The following RNF213 variants were observed in gnomAD, a reference collection of about 807,000 sequenced individuals.
RNF213 encodes E3 ubiquitin-protein ligase RNF213.
In RNF213, 341 loss-of-function variants were observed where a neutral mutation model predicts 514.4. The observed-to-expected ratio is 0.66, with a 90% CI of 0.61 to 0.73. The LOEUF (loss-of-function observed/expected upper bound fraction) is 0.73, where lower values mean the gene tolerates loss of function less well. RNF213 is among the 30% of genes least tolerant of loss of function. RNF213 has a pLI of 0.00. For missense variants in RNF213, 5,767 were observed against 6,615.6 expected (o/e 0.87, Z 4.45); for synonymous variants, 2,655 against 2,658.2 (o/e 1.00, Z 0.04).
intron 3 of RNF213, among the ~76,000 whole-genome samples, chr17:80,282,761 A>G (rs922094202): frequency 5.3e-5 from 8 of 151,696 alleles, no homozygotes; most frequent in South Asian, 2.1e-4. Flanking sequence ...CAGTGGTGCA[A>G]TCTTGGCTCA....
At chr17:80,278,516 A>G (rs1249790374) in intron 3 of RNF213, among the ~76,000 whole-genome samples, 2 of 152,204 alleles carry the variant, frequency 1.3e-5, no homozygotes, top group Non-Finnish European at 2.9e-5. Flanking sequence ...TGGTGTGGGC[A>G]GTTCTCCTCT....
chr17:80,290,860 A>G, intron 7 of RNF213, 132 bp downstream of exon 7: 1 of 1,045,002 alleles, frequency 9.6e-7, no homozygotes, highest in Non-Finnish European at 1.4e-6. Context: ...CCCAGGCTGG[A>G]GTGTGGTGGC....
At chr17:80,352,094 C>G in intron 32 of RNF213, 1 of 295,886 alleles carries the variant, frequency 3.4e-6, no homozygotes, top group Non-Finnish European at 6.5e-6. Flanking sequence ...ACCTCATGAT[C>G]CGCTCGCCCC....
chr17:80,340,079 G>C lies in RNF213; in HGVS notation c.5712G>C (p.Val1904=), dbSNP rs1416663863. The C allele has an allele frequency of 2.1e-5, 33 of 1,597,440 alleles. No individual in the cohort carries two copies. The highest frequency in any genetic ancestry group is 2.6e-5 in the Non-Finnish European group (31 of 1,174,426). ...TCGCAGATCAGCTGAGCTACGAGGTGGCACGCCAAGCGGAGGAGCTTTTCC... is the reference window on the plus strand; with the variant it reads ...TCGCAGATCAGCTGAGCTACGAGGTCGCACGCCAAGCGGAGGAGCTTTTCC... ...LLFADQLSYE[V]ARQAEELFHN... The change falls in exon 26 of 68, where the codon GTG becomes GTC. Residue 1904 remains valine (V), a synonymous_variant. Coordinates refer to ENST00000582970, the MANE Select transcript of RNF213 (RefSeq NM_001256071.3).
Position 80,353,508 on chromosome 17 carries a change from G to A in RNF213, c.10424-4G>A. ...TAACGCAATCACGTTTGCTTCGACT[G>A]CAGTGGGCTTGGAACACCGGGCGGA... On this transcript the variant is annotated splice_polypyrimidine_tract_variant and splice_region_variant and intron_variant, in intron 33 of 67. Transcript: ENST00000582970. The surrounding 1 kb of genome is among the most constrained non-coding windows in gnomAD (Gnocchi z 5.0). 3 of 1,607,738 alleles carry A rather than the reference G, an allele frequency of 1.9e-6. No individual in the cohort carries two copies. Among genetic ancestry groups the A allele is most frequent in the Non-Finnish European group, 2.5e-6 (3 of 1,176,940 alleles).
chr17:80,355,692 CCGGGAATGGGGGCTTACAGAG>C (rs2078771607), intron 36 of RNF213, among the ~76,000 whole-genome samples: 1 of 7,898 alleles, frequency 1.3e-4, no homozygotes, highest in African/African-American at 5.5e-4. Context: ...AGCGGGGTGA[CCGGGAATGGGGGCTTACAGAG>C]GAAGAAGCGG....
At chr17:80,302,238 C>A (rs7502832) in intron 11 of RNF213, among the ~76,000 whole-genome samples, 31,905 of 152,060 alleles carry the variant, frequency 0.21, 3,760 homozygotes, top group African/African-American at 0.32. Context: ...CTGTAATTTA[C>A]AATTTATTAC....
rs757836545 is a variant in RNF213, at chr17:80,343,124, T to C, written c.5990-8T>C. 18 of 1,611,122 alleles carry C rather than the reference T, an allele frequency of 1.1e-5. 1 individual carries two copies. In the South Asian group the frequency reaches 1.9e-4, roughly 17 times the overall value. ...CTCCCAGCCCTAATTTCTGTATTAA[T>C]GTTATAGGAAAGTCTCTGTACGTGA... On this transcript the variant is annotated splice_region_variant and splice_polypyrimidine_tract_variant and intron_variant, in intron 26 of 67. Coordinates refer to ENST00000582970, the MANE Select transcript of RNF213 (RefSeq NM_001256071.3). This position sits in a 1 kb window ranked among gnomAD's most constrained non-coding sequence, Gnocchi z 4.3.
In RNF213 at chr17:80,298,457, G is replaced by A; in HGVS notation, c.2149G>A (p.Asp717Asn). The A allele has an allele frequency of 6.2e-7, 1 of 1,614,200 alleles. No homozygotes were observed. The highest frequency in any genetic ancestry group is 8.5e-7 in the Non-Finnish European group (1 of 1,180,042). ...CAAGGATGCCTGGAGACAGCCTGAG[G>A]ACACCTGGGCCGCTCTGGAGGGACT... is the stretch of plus-strand genomic sequence containing the variant. Reference protein sequence around the residue: ...RHKDAWRQPEDTWAALEGLSF... With the variant: ...RHKDAWRQPENTWAALEGLSF... The change falls in exon 11 of 68, where the codon GAC becomes AAC. Residue 717 changes from aspartate (D) to asparagine (N), a missense_variant. Asp to Asn is a conservative substitution (Grantham distance 23). Around this residue, in one of 13 missense-constraint regions of RNF213, gnomAD observed 592 missense variants for 673.9 expected, o/e 0.88. Coordinates refer to ENST00000582970, the MANE Select transcript of RNF213 (RefSeq NM_001256071.3).
intron 26 of RNF213, among the ~76,000 whole-genome samples, chr17:80,342,814 C>G (rs1161625068): frequency 1.3e-5 from 2 of 149,852 alleles, no homozygotes; most frequent in Non-Finnish European, 3.0e-5. Flanking sequence ...CTAACGATGA[C>G]AACTGCACCC....
intron 29 of RNF213, 78 bp from the exon 30 acceptor site, chr17:80,349,692 G>A: frequency 2.0e-6 from 3 of 1,482,614 alleles, no homozygotes; most frequent in South Asian, 1.1e-5. Context: ...AGGTTTCTAG[G>A]ATCTGTCTAA....
At position 80,332,269 on chromosome 17, in the gene RNF213, G is replaced by A. The variant is rs763858520; in HGVS notation, c.3781G>A (p.Glu1261Lys). The change falls in exon 21 of 68, where the codon GAA becomes AAA. Residue 1261 changes from glutamate to lysine, a missense_variant. Glu to Lys is a moderately conservative substitution (Grantham distance 56). Around this residue, in one of 13 missense-constraint regions of RNF213, gnomAD observed 516 missense variants for 566.5 expected, o/e 0.91. Transcript: ENST00000582970. ...QEAAELLSEP[E>K]EESERHILEL... Reference sequence around the variant, plus strand: ...AGCCGCAGAGTTGCTGAGTGAGCCCGAAGAAGAATCAGAAAGGCACATCCT... The same window carrying A: ...AGCCGCAGAGTTGCTGAGTGAGCCCAAAGAAGAATCAGAAAGGCACATCCT... The A allele has an allele frequency of 3.1e-5, 47 of 1,537,080 alleles. No homozygotes were observed. Among genetic ancestry groups the A allele is most frequent in the Middle Eastern group, 1.7e-4 (1 of 6,012 alleles).
intron 39 of RNF213, 21 bp downstream of exon 39, chr17:80,361,909 T>TA: frequency 6.2e-7 from 1 of 1,607,656 alleles, no homozygotes; most frequent in Non-Finnish European, 8.5e-7. Context: ...AGATACTGGC[T>TA]AAGGGTCAGG....
In RNF213 at chr17:80,338,044, G is replaced by A. The variant is rs115501649; in HGVS notation, c.4833+47G>A. ...GGCGCTAAGCTGGTGGTGTCATCTCGTCCGTGAGGGCTGTGTACTCCCAAG... is the reference window on the plus strand; with the variant it reads ...GGCGCTAAGCTGGTGGTGTCATCTCATCCGTGAGGGCTGTGTACTCCCAAG... On this transcript the variant is annotated intron_variant, in intron 25 of 67. Coordinates refer to ENST00000582970, the MANE Select transcript of RNF213 (RefSeq NM_001256071.3). The A allele has an allele frequency of 5.0e-3, 7,674 of 1,533,474 alleles. 296 individuals carry two copies. In the African/African-American group the frequency reaches 0.085, roughly 17 times the overall value. The allele number at this position is 1,533,474 out of a possible 1,614,324, so 95.0% of individuals were successfully genotyped here. A position where few individuals can be genotyped will look rare whatever the true frequency, so the allele number is the denominator to read the frequency against.
At chr17:80,322,768 TTATTC>T (rs2046181280) in intron 17 of RNF213, among the ~76,000 whole-genome samples, 1 of 152,152 alleles carries the variant, frequency 6.6e-6, no homozygotes, top group South Asian at 2.1e-4. Context: ...TTGGGAGTCT[TTATTC>T]TATATACAAG....
chr17:80,380,830 G>A lies in RNF213; in HGVS notation c.13641-1G>A. The A allele has an allele frequency of 6.2e-7, 1 of 1,614,216 alleles. No homozygotes were observed. Among genetic ancestry groups the A allele is most frequent in the Non-Finnish European group, 8.5e-7 (1 of 1,180,040 alleles). On this transcript the variant is annotated splice_acceptor_variant, in intron 55 of 67. Transcript: ENST00000582970. LOFTEE classifies it high-confidence loss of function. ...GTCTTGTGTTCTCTCGTTCTTTCCA[G>A]AGACAAGGCAGACAGAACGCAGACC...
intron 11 of RNF213, among the ~76,000 whole-genome samples, chr17:80,305,818 C>T (rs1289580592): frequency 2.6e-5 from 4 of 151,970 alleles, no homozygotes; most frequent in African/African-American, 9.7e-5. Context: ...CGCAGTTTCA[C>T]CGTGTTGGCC....
chr17:80,285,141 G>A (rs556313896), intron 3 of RNF213, among the ~76,000 whole-genome samples: 6 of 152,340 alleles, frequency 3.9e-5, no homozygotes, highest in East Asian at 1.9e-4. Context: ...GGGGCCTTGC[G>A]TGTACCAGGC....
intron 2 of RNF213, among the ~76,000 whole-genome samples, chr17:80,270,175 A>C (rs1291261866): frequency 6.6e-6 from 1 of 152,250 alleles, no homozygotes; most frequent in Non-Finnish European, 1.5e-5. Flanking sequence ...ACTTTCATGT[A>C]CAGTGGCTGA....
Sources: allele counts gnomAD v4.1 joint callset (sites outside exome capture counted in the v4.1 genomes callset), GRCh38; gene constraint gnomAD v4.1.1; regional missense constraint gnomAD v4.1.1; non-coding constraint Gnocchi (gnomAD v3.1); transcripts MANE v1.5; gene names NCBI Gene and HGNC (gene_info 2026-07-23, HGNC 2026-07-21).